KYNU: variants seen among roughly 807,000 people sequenced by gnomAD.
KYNU encodes the protein L-kynurenine hydrolase.
A neutral mutation model predicts 59.2 loss-of-function variants in KYNU; 54 were observed. That is an observed-to-expected ratio of 0.91 (90% CI 0.73 to 1.14). The LOEUF (loss-of-function observed/expected upper bound fraction) is 1.14, where lower values mean the gene tolerates loss of function less well. Among genes scored for constraint, KYNU ranks in the 50% most tolerant of loss-of-function variants. KYNU has a pLI of 0.00. For missense variants in KYNU, 567 were observed against 554.4 expected, an observed-to-expected ratio of 1.02 and a Z score of -0.23; for synonymous variants, 177 against 192.0, an observed-to-expected ratio of 0.92 and a Z score of 0.65.
intron 3 of KYNU, among the ~76,000 whole-genome samples, chr2:142,919,942 A>T (rs1428572917): frequency 6.6e-6 from 1 of 152,120 alleles, no homozygotes; most frequent in African/African-American, 2.4e-5. Context: ...CATGGTGGCA[A>T]GTGCCTGTAA....
At chr2:142,923,913 G>A (rs910791492) in intron 3 of KYNU, among the ~76,000 whole-genome samples, 1 of 152,192 alleles carries the variant, frequency 6.6e-6, no homozygotes, top group Admixed American at 6.5e-5. Flanking sequence ...ATGGCAGTGT[G>A]TGTGTGCTGA....
chr2:142,883,450 T>G (rs916582718), intron 1 of KYNU, among the ~76,000 whole-genome samples: 4 of 151,994 alleles, frequency 2.6e-5, no homozygotes, highest in Admixed American at 2.6e-4. Flanking sequence ...CGCCTGCCTC[T>G]GCCTCCCAAA....
At chr2:142,907,755 T>C (rs1398141314) in intron 2 of KYNU, among the ~76,000 whole-genome samples, 1 of 152,210 alleles carries the variant, frequency 6.6e-6, no homozygotes, top group East Asian at 1.9e-4. Flanking sequence ...CTAATTTGTA[T>C]TTTAGTGAGC....
chr2:142,982,948 C>A lies in KYNU; in HGVS notation c.730-2136C>A, dbSNP rs549301567. The stretch of plus-strand genomic sequence containing the variant: ...GGAATGGCAGGGGTAATTCCTAAGA[C>A]CAAGTAAAGGATGTCTTGGTTTTTG... On this transcript the variant is annotated intron_variant, in intron 8 of 13. Coordinates refer to ENST00000264170, the MANE Select transcript of KYNU (RefSeq NM_003937.3). 2.6e-5 allele frequency among the ~76,000 whole-genome samples: 4 copies of A among 152,078 alleles called. No homozygotes were observed. The East Asian group carries it at 7.8e-4, about 30-fold the overall frequency.
chr2:142,897,011 T>G (rs1285253531), intron 2 of KYNU, among the ~76,000 whole-genome samples: 2 of 152,244 alleles, frequency 1.3e-5, no homozygotes, highest in Non-Finnish European at 2.9e-5. Context: ...TCTTAAAGAC[T>G]TCTTTCGCCC....
intron 10 of KYNU, among the ~76,000 whole-genome samples, chr2:142,996,827 G>C (rs765014208): frequency 2.6e-5 from 4 of 152,098 alleles, no homozygotes; most frequent in Non-Finnish European, 5.9e-5. Context: ...GTCTTGGTTT[G>C]CCTGTGGAAA....
chr2:142,966,864 T>C (rs559842425), intron 8 of KYNU, among the ~76,000 whole-genome samples: 1 of 152,116 alleles, frequency 6.6e-6, no homozygotes, highest in East Asian at 1.9e-4. Context: ...AAAATTGGAC[T>C]ATCCAGGCTT....
At position 143,054,260 on chromosome 2, in the gene KYNU, TTA is replaced by T. The variant is rs1266108264; in HGVS notation, c.*12090_*12091del. 1 of 151,938 alleles carries T rather than the reference TTA, an allele frequency of 6.6e-6. No individual in the cohort carries two copies. The highest frequency in any genetic ancestry group is 2.4e-5 in the African/African-American group (1 of 41,212). The allele number at this position is 151,938 out of a possible 1,614,324, so 9.4% of individuals were successfully genotyped here. A position where few individuals can be genotyped will look rare whatever the true frequency, so the allele number is the denominator to read the frequency against. On this transcript the variant is annotated 3_prime_UTR_variant, in exon 14 of 14. Transcript: ENST00000264170. ...TATAAGTATTTCCCCAAGTTTCACTTTATCTTTCTATTACTTTTTTTACATAA... is the reference window on the plus strand; with the variant it reads ...TATAAGTATTTCCCCAAGTTTCACTTTCTTTCTATTACTTTTTTTACATAA...
chr2:143,034,223 A>G (rs1052287219), intron 12 of KYNU, among the ~76,000 whole-genome samples: 6 of 151,816 alleles, frequency 4.0e-5, no homozygotes, highest in African/African-American at 1.4e-4. Flanking sequence ...AGTAAAATAT[A>G]TTTTAAGTAA....
At chr2:142,882,046 C>T (rs1268701529) in intron 1 of KYNU, among the ~76,000 whole-genome samples, 1 of 151,418 alleles carries the variant, frequency 6.6e-6, no homozygotes, top group Non-Finnish European at 1.5e-5. Flanking sequence ...ACCACCACAA[C>T]CAGCCTGCTA....
chr2:143,042,073 T>G lies in KYNU; in HGVS notation c.1299T>G (p.Ile433Met), dbSNP rs1279120108. 4 of 1,611,870 alleles carry G rather than the reference T, an allele frequency of 2.5e-6. No homozygotes were observed. The highest frequency in any genetic ancestry group is 2.7e-5 in the African/African-American group (2 of 74,894). The change falls in exon 14 of 14, where the codon ATT becomes ATG. Residue 433 changes from isoleucine (I) to methionine (M), a missense_variant. Transcript: ENST00000264170. ...VVCDKRNPNGIRVAPVPLYNS... is the reference protein window; with the variant it reads ...VVCDKRNPNGMRVAPVPLYNS... The stretch of plus-strand genomic sequence containing the variant: ...GTGACAAGCGGAATCCAAATGGCAT[T>G]CGAGTGGCTCCAGTTCCTCTCTATA...
At chr2:142,976,143 A>G (rs1314319161) in intron 8 of KYNU, among the ~76,000 whole-genome samples, 1 of 152,182 alleles carries the variant, frequency 6.6e-6, no homozygotes, top group African/African-American at 2.4e-5. Context: ...CAGAGAGGCA[A>G]GGGGTGGAGG....
intron 11 of KYNU, among the ~76,000 whole-genome samples, chr2:143,032,994 T>G (rs541199320): frequency 6.6e-6 from 1 of 152,300 alleles, no homozygotes; most frequent in African/African-American, 2.4e-5. Context: ...AGGTCATTTT[T>G]ACCTTGGGTC....
At chr2:142,989,087 T>C (rs977588529) in intron 10 of KYNU, among the ~76,000 whole-genome samples, 2 of 151,848 alleles carry the variant, frequency 1.3e-5, no homozygotes, top group African/African-American at 4.8e-5. Flanking sequence ...CTCAAATAAG[T>C]GTAATTGTTC....
In KYNU at chr2:142,981,168, G is replaced by A. The variant is rs145517791; in HGVS notation, c.730-3916G>A. On this transcript the variant is annotated intron_variant, in intron 8 of 13. Transcript: ENST00000264170. ...TTTTCAACGTGGTACCACAAATGTG[G>A]CCAGAAGGATTTTCATAATGGGATA... 2.2e-4 allele frequency among the ~76,000 whole-genome samples: 34 copies of A among 152,182 alleles called. No individual in the cohort carries two copies. The East Asian group carries it at 6.4e-3, about 29-fold the overall frequency.
intron 2 of KYNU, among the ~76,000 whole-genome samples, chr2:142,893,120 G>A (rs1477008234): frequency 6.6e-6 from 1 of 152,138 alleles, no homozygotes; most frequent in Non-Finnish European, 1.5e-5. Context: ...ATGCATGTAG[G>A]GTACAACTAG....
intron 4 of KYNU, among the ~76,000 whole-genome samples, chr2:142,952,590 C>T (rs1049402946): frequency 4.6e-5 from 7 of 152,168 alleles, no homozygotes; most frequent in Admixed American, 6.5e-5. Context: ...GAGCATGCCA[C>T]TACACCTGAC....
At chr2:143,027,768 T>C (rs1047546049) in intron 10 of KYNU, among the ~76,000 whole-genome samples, 5 of 151,928 alleles carry the variant, frequency 3.3e-5, no homozygotes, top group South Asian at 2.1e-4. Flanking sequence ...TATGTAAATA[T>C]AATTTTTTCA....
chr2:142,878,899 G>C (rs1681192645), intron 1 of KYNU, among the ~76,000 whole-genome samples: 1 of 152,160 alleles, frequency 6.6e-6, no homozygotes, highest in African/African-American at 2.4e-5. Context: ...TTTGAAGAAA[G>C]TAAAATTTAA....
Sources: allele counts gnomAD v4.1 joint callset (sites outside exome capture counted in the v4.1 genomes callset), GRCh38; gene constraint gnomAD v4.1.1; transcripts MANE v1.5; gene names NCBI Gene and HGNC (gene_info 2026-07-23, HGNC 2026-07-21).